The following ZNF385D variants were observed in gnomAD, a reference collection of about 807,000 sequenced individuals.
ZNF385D encodes zinc finger protein 385D.
In ZNF385D, 15 loss-of-function variants were observed where a neutral mutation model predicts 35.8. The observed-to-expected ratio is 0.42, with a 90% CI of 0.28 to 0.64. The LOEUF (loss-of-function observed/expected upper bound fraction) is 0.64, where lower values mean the gene tolerates loss of function less well. Among genes scored for constraint, ZNF385D ranks in the 30% least tolerant of loss-of-function variants. ZNF385D has a pLI of 0.23. For synonymous variants in ZNF385D, 212 were observed against 186.8 expected, an observed-to-expected ratio of 1.13 and a Z score of -1.10; for missense variants, 474 against 494.6, an observed-to-expected ratio of 0.96 and a Z score of 0.39.
At chr3:21,907,990 C>G (rs904395870) in intron 3 of ZNF385D, among the ~76,000 whole-genome samples, 5 of 151,946 alleles carry the variant, frequency 3.3e-5, no homozygotes, top group African/African-American at 1.2e-4. Flanking sequence ...TTGTGAAAGG[C>G]TGAAACATTT....
At chr3:21,681,316 A>AAAAAAAAAAAAAAAAAAC (rs1334410224) in intron 1 of ZNF385D, among the ~76,000 whole-genome samples, 11 of 141,780 alleles carry the variant, frequency 7.8e-5, no homozygotes, top group Non-Finnish European at 1.6e-4. Flanking sequence ...AAAAAAAAAA[A>AAAAAAAAAAAAAAAAAAC]AAAAAAAACC....
At chr3:21,982,837 G>A (rs941414171) in intron 3 of ZNF385D, among the ~76,000 whole-genome samples, 3 of 149,404 alleles carry the variant, frequency 2.0e-5, no homozygotes, top group East Asian at 3.9e-4. Context: ...TGCATCTATT[G>A]AGATAATCAT....
At chr3:21,620,997 C>T (rs560027811) in intron 2 of ZNF385D, among the ~76,000 whole-genome samples, 24 of 151,204 alleles carry the variant, frequency 1.6e-4, no homozygotes, top group East Asian at 7.9e-4. Context: ...TGTGTGTGTG[C>T]GCACACACAC....
At chr3:21,765,783 AG>A (rs1285811000) in intron 3 of ZNF385D, among the ~76,000 whole-genome samples, 1 of 152,086 alleles carries the variant, frequency 6.6e-6, no homozygotes, top group Non-Finnish European at 1.5e-5. Flanking sequence ...AAAGACAGAA[AG>A]GAACATCTTA....
intron 3 of ZNF385D, among the ~76,000 whole-genome samples, chr3:21,894,132 T>C (rs1699014855): frequency 1.3e-5 from 2 of 152,182 alleles, no homozygotes. Flanking sequence ...TATCAAAACG[T>C]ATTTTTAAAT....
intron 3 of ZNF385D, among the ~76,000 whole-genome samples, chr3:21,865,390 G>C (rs1437893081): frequency 6.6e-6 from 1 of 151,804 alleles, no homozygotes; most frequent in African/African-American, 2.4e-5. Flanking sequence ...TAAAATCCTT[G>C]TTCAGCAATT....
intron 3 of ZNF385D, among the ~76,000 whole-genome samples, chr3:22,030,291 A>ATATATATGTATGTG (rs1221765644): frequency 8.8e-6 from 1 of 113,642 alleles, no homozygotes; most frequent in South Asian, 2.5e-4. Flanking sequence ...ATATATATAT[A>ATATATATGTATGTG]TATATATATA....
intron 2 of ZNF385D, among the ~76,000 whole-genome samples, chr3:22,266,757 C>T (rs1480940079): frequency 6.6e-6 from 1 of 151,896 alleles, no homozygotes; most frequent in Non-Finnish European, 1.5e-5. Flanking sequence ...CTGCTTTAAA[C>T]TTTATCATTA....
At chr3:21,966,531 T>C (rs1702923023) in intron 3 of ZNF385D, among the ~76,000 whole-genome samples, 1 of 152,160 alleles carries the variant, frequency 6.6e-6, no homozygotes, top group South Asian at 2.1e-4. Context: ...ATTAATTGTG[T>C]CCCTATAAAC....
intron 2 of ZNF385D, among the ~76,000 whole-genome samples, chr3:21,662,439 T>A (rs1188382820): frequency 6.6e-6 from 1 of 152,206 alleles, no homozygotes; most frequent in Non-Finnish European, 1.5e-5. Flanking sequence ...TGAAATGGGC[T>A]CTCTTGAATG....
chr3:22,372,285 G>T (rs899120215), intron 2 of ZNF385D, among the ~76,000 whole-genome samples: 3 of 152,144 alleles, frequency 2.0e-5, no homozygotes, highest in Non-Finnish European at 2.9e-5. Context: ...ATACCGAAAA[G>T]GTGGTCCAAG....
In ZNF385D at chr3:21,425,599, C is replaced by G; in HGVS notation, c.745G>C (p.Val249Leu). The G allele has an allele frequency of 1.2e-6, 2 of 1,607,662 alleles. No individual in the cohort carries two copies. Among genetic ancestry groups the G allele is most frequent in the Non-Finnish European group, 1.7e-6 (2 of 1,176,736 alleles). Residue 249 changes from valine (V) to leucine (L), a missense_variant, in exon 6 of 8, where the codon GTG becomes CTG. By Grantham distance (32) the Val-to-Leu change is conservative. Coordinates refer to ENST00000281523, the MANE Select transcript of ZNF385D (RefSeq NM_024697.3). Reference protein sequence around the residue: ...GTIKAFPRAGVKGKGPVNKGN... With the variant: ...GTIKAFPRAGLKGKGPVNKGN... The stretch of plus-strand genomic sequence containing the variant: ...TTATTAACAGGTCCTTTGCCTTTCA[C>G]TCCTGCCCTAGGAAAGGCTTTGATA...
At chr3:22,050,383 C>A (rs201162777) in intron 3 of ZNF385D, among the ~76,000 whole-genome samples, 15 of 151,708 alleles carry the variant, frequency 9.9e-5, no homozygotes, top group Middle Eastern at 3.4e-3. Flanking sequence ...AACAAACAAA[C>A]AAAAAAACCA....
intron 2 of ZNF385D, among the ~76,000 whole-genome samples, chr3:22,335,880 A>T (rs1695138736): frequency 6.6e-6 from 1 of 152,120 alleles, no homozygotes; most frequent in Non-Finnish European, 1.5e-5. Flanking sequence ...TTCCAAAATA[A>T]GAACACTAAG....
intron 4 of ZNF385D, among the ~76,000 whole-genome samples, chr3:21,487,673 C>G (rs979356339): frequency 3.3e-5 from 5 of 152,060 alleles, no homozygotes; most frequent in African/African-American, 1.2e-4. Flanking sequence ...CCTTCCCTAA[C>G]AGAAGCAACA....
intron 3 of ZNF385D, among the ~76,000 whole-genome samples, chr3:22,031,849 A>G (rs574986257): frequency 2.0e-5 from 3 of 152,120 alleles, no homozygotes; most frequent in Non-Finnish European, 4.4e-5. Context: ...ATAAGTTCCA[A>G]TTTCAAACTA....
intron 2 of ZNF385D, among the ~76,000 whole-genome samples, chr3:21,623,557 C>A (rs528670222): frequency 6.6e-6 from 1 of 152,108 alleles, no homozygotes; most frequent in East Asian, 1.9e-4. Context: ...GTGGGAAAAT[C>A]GCTTGACCCC....
chr3:22,220,782 C>A (rs1698206544), intron 2 of ZNF385D, among the ~76,000 whole-genome samples: 1 of 152,184 alleles, frequency 6.6e-6, no homozygotes, highest in Non-Finnish European at 1.5e-5. Flanking sequence ...CTACCGTCAT[C>A]ACTTTCCCTA....
At chr3:21,876,030 T>G (rs1302177014) in intron 3 of ZNF385D, among the ~76,000 whole-genome samples, 1 of 152,130 alleles carries the variant, frequency 6.6e-6, no homozygotes, top group Non-Finnish European at 1.5e-5. Flanking sequence ...AAAAACGAGT[T>G]ACTTCATCAT....
Sources: allele counts gnomAD v4.1 joint callset (sites outside exome capture counted in the v4.1 genomes callset), GRCh38; gene constraint gnomAD v4.1.1; transcripts MANE v1.5; gene names NCBI Gene and HGNC (gene_info 2026-07-23, HGNC 2026-07-21).